MORC3: variants seen among roughly 807,000 people sequenced by gnomAD.
MORC3 encodes the protein MORC family CW-type zinc finger 3, also known as MORC family CW-type zinc finger protein 3.
Under a neutral mutation model 109.1 loss-of-function variants are expected in MORC3, and 31 were observed. That is an observed-to-expected ratio of 0.28 (90% confidence interval 0.21 to 0.38). The LOEUF (loss-of-function observed/expected upper bound fraction) is 0.38, where lower values mean the gene tolerates loss of function less well. Among genes scored for constraint, MORC3 ranks in the 10% least tolerant of loss-of-function variants. The pLI is 1.00. For synonymous variants in MORC3, 395 were observed against 380.7 expected (o/e 1.04, Z -0.44); for missense variants, 867 against 1,135.8 (o/e 0.76, Z 3.40).
chr21:36,357,946 G>A (rs1431813146), intron 10 of MORC3, among the ~76,000 whole-genome samples: 1 of 151,566 alleles, frequency 6.6e-6, no homozygotes, highest in Non-Finnish European at 1.5e-5. Context: ...TCACCATGTT[G>A]GCCAGGCTGG....
At chr21:36,368,478 G>A (rs1049108375) in intron 14 of MORC3, among the ~76,000 whole-genome samples, 7 of 152,184 alleles carry the variant, frequency 4.6e-5, no homozygotes, top group Non-Finnish European at 7.3e-5. Flanking sequence ...ATAGTCCATC[G>A]TCTTCATCTG....
intron 1 of MORC3, among the ~76,000 whole-genome samples, chr21:36,323,906 G>A (rs958164790): frequency 6.7e-6 from 1 of 149,510 alleles, no homozygotes; most frequent in African/African-American, 2.5e-5. Context: ...ACGGAGTTTC[G>A]CTCTTGTTGC....
intron 8 of MORC3, chr21:36,348,406 T>A (rs2085535346): frequency 6.6e-6 from 1 of 152,238 alleles, no homozygotes. Context: ...TCTTTTCTTT[T>A]CTTTTTTTGT....
intron 15 of MORC3, among the ~76,000 whole-genome samples, chr21:36,371,113 C>G (rs1470208462): frequency 2.0e-5 from 3 of 152,112 alleles, no homozygotes; most frequent in African/African-American, 7.2e-5. Context: ...ATATCAGTAG[C>G]TTCTTCATAT....
At position 36,320,221 on chromosome 21, in the gene MORC3, C is replaced by T. The variant is rs779870830; in HGVS notation, c.-44C>T. On this transcript the variant is annotated 5_prime_UTR_variant, in exon 1 of 17. Transcript: ENST00000400485. ...CACAGTCGTTCCGCCACCTCCCAGT[C>T]GGGTTGCGGCGGAGGCCGTTCCTGG... 3.5e-5 allele frequency: 54 copies of T among 1,563,866 alleles called. No individual in the cohort carries two copies. The South Asian group carries it at 4.4e-4, about 13-fold the overall frequency.
At position 36,376,353 on chromosome 21, in the gene MORC3, AT is replaced by A. The variant is rs2085929386; in HGVS notation, c.*1063del. On this transcript the variant is annotated 3_prime_UTR_variant, in exon 17 of 17. Transcript: ENST00000400485. ...ATTTTCCACAACTAAAATGTGCATT[AT>A]TTTTTCCAAAGTTTTATCATTGCTA... 1.3e-5 allele frequency: 2 copies of A among 152,422 alleles called. No individual in the cohort carries two copies. Among genetic ancestry groups the A allele is most frequent in the South Asian group, 2.1e-4 (1 of 4,830 alleles). The allele number at this position is 152,422 out of a possible 1,614,324, so 9.4% of individuals were successfully genotyped here.
chr21:36,364,138 A>G lies in MORC3; in HGVS notation c.1498A>G (p.Ser500Gly), dbSNP rs1420289409. 5 of 1,614,138 alleles carry G rather than the reference A, an allele frequency of 3.1e-6. No homozygotes were observed. Among genetic ancestry groups the G allele is most frequent in the East Asian group, 2.2e-5 (1 of 44,876 alleles). ...LFRPTALSTP[S>G]FSSPKESVPR... ...TCGGCCAACTGCTCTTTCAACTCCA[A>G]GCTTTTCTTCTCCTAAGGAAAGTGT... Residue 500 changes from serine (S) to glycine (G), a missense_variant, in exon 14 of 17, where the codon AGC becomes GGC. This residue lies in a region of MORC3 where 486 missense variants were observed against 502.1 expected (regional missense o/e 0.97). Transcript: ENST00000400485.
rs564457321 is a variant in MORC3 at position 36,376,246 on chromosome 21, A to G, written c.*950A>G. Reference sequence around the variant, plus strand: ...ATAGTATTACATGCCATAAAATACTATGCTTTATTGGTCCCATGTTTTGTG... The same window carrying G: ...ATAGTATTACATGCCATAAAATACTGTGCTTTATTGGTCCCATGTTTTGTG... On this transcript the variant is annotated 3_prime_UTR_variant, in exon 17 of 17. Coordinates refer to ENST00000400485, the MANE Select transcript of MORC3 (RefSeq NM_015358.3). 5 of 152,634 alleles carry G rather than the reference A, an allele frequency of 3.3e-5. No individual in the cohort carries two copies. The highest frequency in any genetic ancestry group is 6.5e-5 in the Admixed American group (1 of 15,274). 9.5% of individuals were successfully genotyped at this position (152,634 alleles called of 1,614,324 possible).
Position 36,360,084 on chromosome 21 carries a change from T to G in MORC3, c.1331+7T>G. 1 of 1,614,138 alleles carries G rather than the reference T, an allele frequency of 6.2e-7. No individual in the cohort carries two copies. The highest frequency in any genetic ancestry group is 1.1e-5 in the South Asian group (1 of 91,088). The stretch of plus-strand genomic sequence containing the variant: ...ACCCTGACCCACAGTTCAGGTACCA[T>G]AGAGTTGGTAGTACCCTTTTTGGAA... On this transcript the variant is annotated splice_region_variant and intron_variant, in intron 11 of 16. Coordinates refer to ENST00000400485, the MANE Select transcript of MORC3 (RefSeq NM_015358.3).
At chr21:36,333,297 G>C (rs1243360848) in intron 1 of MORC3, 1 of 211,678 alleles carries the variant, frequency 4.7e-6, no homozygotes, top group Admixed American at 5.7e-5. Flanking sequence ...TCAGAATAGA[G>C]AAATTAGGAA....
At chr21:36,331,861 T>G (rs1329142046) in intron 1 of MORC3, among the ~76,000 whole-genome samples, 2 of 152,048 alleles carry the variant, frequency 1.3e-5, no homozygotes, top group African/African-American at 2.4e-5. Flanking sequence ...TTGGGCACAT[T>G]GGGCATAGTG....
chr21:36,364,105 C>T lies in MORC3; in HGVS notation c.1465C>T (p.Leu489=). The T allele has an allele frequency of 6.2e-7, 1 of 1,613,974 alleles. No individual in the cohort carries two copies. The highest frequency in any genetic ancestry group is 8.5e-7 in the Non-Finnish European group (1 of 1,179,988). The change falls in exon 14 of 17, where the codon CTG becomes TTG. Residue 489 remains leucine, a synonymous_variant. Transcript: ENST00000400485. ...TTCCCTCCAACAGATTAATGCTGAA[C>T]TGTTGTTTCGGCCAACTGCTCTTTC... The part of the protein sequence containing the change: ...PEMIPRINAE[L]LFRPTALSTP...
chr21:36,373,324 A>G (rs2085891367), intron 16 of MORC3, among the ~76,000 whole-genome samples: 2 of 146,468 alleles, frequency 1.4e-5, no homozygotes. Context: ...TGGGTGACAG[A>G]GCAAGACTCT....
rs2085854559 is a variant in MORC3 at position 36,370,671 on chromosome 21, T to C, written c.2508+795T>C. On this transcript the variant is annotated intron_variant, in intron 15 of 16. Coordinates refer to ENST00000400485, the MANE Select transcript of MORC3 (RefSeq NM_015358.3). ...TTTTTTTTTTTTTTTTTTTTTTTTT[T>C]CTTCTTCTTCTTGAGACAGAATTTC... 2.5e-5 allele frequency among the ~76,000 whole-genome samples: 3 copies of C among 122,002 alleles called. No homozygotes were observed. In the South Asian group the frequency reaches 8.4e-4, roughly 34 times the overall value. 80.0% of individuals were successfully genotyped at this position (122,002 alleles called of 152,430 possible). A position where few individuals can be genotyped will look rare whatever the true frequency, so the allele number is the denominator to read the frequency against.
At chr21:36,326,902 G>A (rs996528224) in intron 1 of MORC3, among the ~76,000 whole-genome samples, 38 of 149,116 alleles carry the variant, frequency 2.5e-4, no homozygotes, top group African/African-American at 8.9e-4. Context: ...TGCAACCTCT[G>A]CTTCCCGGGT....
chr21:36,333,614 A>AT, intron 1 of MORC3, 32 bp from the exon 2 acceptor site: 1 of 1,560,198 alleles, frequency 6.4e-7, no homozygotes, highest in South Asian at 1.1e-5. Context: ...TAAGACCTGA[A>AT]TTAATTTACA....
chr21:36,356,035 A>T (rs935820459), intron 9 of MORC3, among the ~76,000 whole-genome samples: 4 of 152,166 alleles, frequency 2.6e-5, no homozygotes, highest in African/African-American at 9.7e-5. Context: ...TTACATGGAG[A>T]TAAGCATGTC....
chr21:36,343,775 T>C (rs1202167872), intron 6 of MORC3, among the ~76,000 whole-genome samples: 1 of 152,110 alleles, frequency 6.6e-6, no homozygotes, highest in Non-Finnish European at 1.5e-5. Context: ...TGTGTTGATA[T>C]TATTCTTTAA....
chr21:36,323,822 T>G (rs971862808), intron 1 of MORC3, among the ~76,000 whole-genome samples: 1 of 152,016 alleles, frequency 6.6e-6, no homozygotes, highest in African/African-American at 2.4e-5. Flanking sequence ...ACTGTCTTAT[T>G]GTTTTTCCTC....
Sources: allele counts gnomAD v4.1 joint callset (sites outside exome capture counted in the v4.1 genomes callset), GRCh38; gene constraint gnomAD v4.1.1; regional missense constraint gnomAD v4.1.1; transcripts MANE v1.5; gene names NCBI Gene and HGNC (gene_info 2026-07-23, HGNC 2026-07-21).